The following EXD3 variants were observed in gnomAD, a reference collection of about 807,000 sequenced individuals.
EXD3 encodes exonuclease mut-7 homolog.
Under a neutral mutation model 98.0 loss-of-function variants are expected in EXD3, and 92 were observed. That is an observed-to-expected ratio of 0.94 (90% CI 0.79 to 1.12). The LOEUF is 1.12. EXD3 is among the 50% of genes most tolerant of loss of function. EXD3 has a pLI of 0.00. For synonymous variants in EXD3, 569 were observed against 526.0 expected (o/e 1.08, Z -1.12); for missense variants, 1,222 against 1,191.6 (o/e 1.03, Z -0.38).
intron 1 of EXD3, among the ~76,000 whole-genome samples, chr9:137,398,541 C>T (rs986338868): frequency 6.7e-6 from 1 of 149,590 alleles, no homozygotes; most frequent in Non-Finnish European, 1.5e-5. Context: ...CACAGGCAAC[C>T]GCGTCCCCAA....
chr9:137,415,894 G>GCCCTAAGGGGAT (rs1490498265), intron 1 of EXD3, among the ~76,000 whole-genome samples: 1 of 152,244 alleles, frequency 6.6e-6, no homozygotes, highest in East Asian at 1.9e-4. Context: ...GGATCACGCT[G>GCCCTAAGGGGAT]CACGGTGCAA....
At chr9:137,390,119 C>CAAAAAAA in intron 2 of EXD3, among the ~76,000 whole-genome samples, 1 of 23,380 alleles carries the variant, frequency 4.3e-5, no homozygotes, top group Non-Finnish European at 7.0e-5. Context: ...GAGACTCTGT[C>CAAAAAAA]AAAAAAAAAA....
At position 137,403,737 on chromosome 9, in the gene EXD3, C is replaced by T. The variant is rs966159357; in HGVS notation, c.-47-8333G>A. Among the ~76,000 whole-genome samples, 2 of 152,200 alleles carry T rather than the reference C, an allele frequency of 1.3e-5. No homozygotes were observed. Among genetic ancestry groups the T allele is most frequent in the African/African-American group, 2.4e-5 (1 of 41,440 alleles). On this transcript the variant is annotated intron_variant, in intron 1 of 21. Transcript: ENST00000340951. The surrounding 1 kb of genome is among the most constrained non-coding windows in gnomAD (Gnocchi z 6.1). ...GCAGACCCAGCCACGCAGAGCCCAC[C>T]GCCAGCTTCCAAGGGCTCCAGAAAG...
chr9:137,340,536 T>C (rs1261126023), intron 17 of EXD3, among the ~76,000 whole-genome samples: 1 of 151,776 alleles, frequency 6.6e-6, no homozygotes, highest in Non-Finnish European at 1.5e-5. Flanking sequence ...TATCTTTTTT[T>C]CTTTTTTTTA....
rs923778597 is a variant in EXD3 at position 137,395,851 on chromosome 9, G to A, written c.-47-447C>T. On this transcript the variant is annotated intron_variant, in intron 1 of 21. Transcript: ENST00000340951. This position sits in a 1 kb window ranked among gnomAD's most constrained non-coding sequence, Gnocchi z 6.5. ...GCAGGACCAGGGACCTCGGAGTGAC[G>A]CCCTCACGGCTGACCCAGTACGCAG... 1.3e-5 allele frequency among the ~76,000 whole-genome samples: 2 copies of A among 152,162 alleles called. No individual in the cohort carries two copies. The highest frequency in any genetic ancestry group is 2.9e-5 in the Non-Finnish European group (2 of 68,022).
At chr9:137,346,238 CAAAAAAAAAAAAAA>C (rs563761495) in intron 17 of EXD3, among the ~76,000 whole-genome samples, 1 of 13,622 alleles carries the variant, frequency 7.3e-5, no homozygotes, top group Non-Finnish European at 1.3e-4. Flanking sequence ...GACTCCGTCT[CAAAAAAAAAAAAAA>C]AAAAAAAAAA....
Position 137,324,089 on chromosome 9 carries a change from C to T in EXD3, c.2052+1G>A, listed in dbSNP as rs1377251797. The T allele has an allele frequency of 6.3e-7, 1 of 1,586,648 alleles. No homozygotes were observed. Among genetic ancestry groups the T allele is most frequent in the Non-Finnish European group, 8.6e-7 (1 of 1,167,234 alleles). On this transcript the variant is annotated splice_donor_variant, in intron 18 of 21. Coordinates refer to ENST00000340951, the MANE Select transcript of EXD3 (RefSeq NM_017820.5). LOFTEE classifies it high-confidence loss of function. The surrounding 1 kb of genome is among the most constrained non-coding windows in gnomAD (Gnocchi z 4.1). Reference sequence around the variant, plus strand: ...ACTGAGCTTATCTTTGGGACACTCACCTTGTGGAATGGCTGCCCCGACGTC... The same window carrying T: ...ACTGAGCTTATCTTTGGGACACTCATCTTGTGGAATGGCTGCCCCGACGTC...
At chr9:137,340,294 T>C (rs1313114886) in intron 17 of EXD3, among the ~76,000 whole-genome samples, 1 of 151,984 alleles carries the variant, frequency 6.6e-6, no homozygotes, top group Non-Finnish European at 1.5e-5. Context: ...CTGGCCAACA[T>C]GATGAAACCT....
At chr9:137,330,369 A>AACTACACG (rs1832974661) in intron 17 of EXD3, among the ~76,000 whole-genome samples, 1 of 144,624 alleles carries the variant, frequency 6.9e-6, no homozygotes, top group African/African-American at 2.6e-5. Context: ...GGAGCTACAC[A>AACTACACG]GGAGCTACAC....
At chr9:137,415,205 T>G (rs1469304624) in intron 1 of EXD3, among the ~76,000 whole-genome samples, 1 of 147,704 alleles carries the variant, frequency 6.8e-6, no homozygotes, top group Non-Finnish European at 1.5e-5. Context: ...GGTTTGTTTT[T>G]TTTTTTTCTG....
Position 137,374,678 on chromosome 9 carries a change from G to C in EXD3, c.121-1079C>G, listed in dbSNP as rs1016243825. 1.0e-5 allele frequency: 10 copies of C among 985,494 alleles called. No homozygotes were observed. The East Asian group carries it at 5.7e-4, about 56-fold the overall frequency. The allele number at this position is 985,494 out of a possible 1,614,324, so 61.0% of individuals were successfully genotyped here. On this transcript the variant is annotated intron_variant, in intron 3 of 21. Transcript: ENST00000340951. ...CATGCCCAAAGGCGCGGGAGGCAAG[G>C]CTGCAAAGTCCAGACCCTCCAAAGG...
chr9:137,373,607 G>A lies in EXD3; in HGVS notation c.121-8C>T. ...CCAGGCTTCCTCCCGGAGCTGTGGA[G>A]ACACAAAACCACACTGGCACTTTGT... On this transcript the variant is annotated splice_polypyrimidine_tract_variant and splice_region_variant and intron_variant, in intron 3 of 21. Coordinates refer to ENST00000340951, the MANE Select transcript of EXD3 (RefSeq NM_017820.5). 6.3e-7 allele frequency: 1 copy of A among 1,594,706 alleles called. No homozygotes were observed. Among genetic ancestry groups the A allele is most frequent in the Non-Finnish European group, 8.5e-7 (1 of 1,170,898 alleles).
At chr9:137,388,997 A>G (rs1484860034) in intron 2 of EXD3, among the ~76,000 whole-genome samples, 1 of 151,880 alleles carries the variant, frequency 6.6e-6, no homozygotes, top group South Asian at 2.1e-4. Context: ...ACCCCATGGC[A>G]CCTCCCGCAG....
rs994771923 is a variant in EXD3 at position 137,352,848 on chromosome 9, C to T, written c.871-62G>A. 17 of 1,521,232 alleles carry T rather than the reference C, an allele frequency of 1.1e-5. No individual in the cohort carries two copies. The African/African-American group carries it at 1.3e-4, about 11-fold the overall frequency. The allele number at this position is 1,521,232 out of a possible 1,614,324, so 94.2% of individuals were successfully genotyped here. A position where few individuals can be genotyped will look rare whatever the true frequency, so the allele number is the denominator to read the frequency against. ...CATTGCTGTGCCACAGGGCCCTGCC[C>T]CGAGGGACCCCCGTAGACCCCGACC... is the stretch of plus-strand genomic sequence containing the variant. On this transcript the variant is annotated intron_variant, in intron 10 of 21. Transcript: ENST00000340951.
chr9:137,337,839 G>A (rs113353351), intron 17 of EXD3, among the ~76,000 whole-genome samples: 2,356 of 151,594 alleles, frequency 0.016, 37 homozygotes, highest in African/African-American at 0.052. Flanking sequence ...CCAGGCTGGA[G>A]TGCAGTGACG....
chr9:137,384,966 C>G (rs1836509374), intron 2 of EXD3, among the ~76,000 whole-genome samples: 1 of 152,090 alleles, frequency 6.6e-6, no homozygotes, highest in African/African-American at 2.4e-5. Context: ...GTGGCGGGTG[C>G]CTGTAGTCCC....
intron 14 of EXD3, among the ~76,000 whole-genome samples, chr9:137,350,288 C>T (rs148423539): frequency 1.4e-3 from 115 of 82,346 alleles, no homozygotes; most frequent in African/African-American, 4.8e-3. Context: ...GTGGGGATTA[C>T]GGGGAGAGAG....
intron 2 of EXD3, among the ~76,000 whole-genome samples, chr9:137,389,163 T>C (rs1268943805): frequency 6.6e-6 from 1 of 152,060 alleles, no homozygotes; most frequent in African/African-American, 2.4e-5. Context: ...TCCACCCACA[T>C]CTGCCTGTGC....
In EXD3 at chr9:137,307,588, T is replaced by C. The variant is rs1398927315; in HGVS notation, c.2317+20A>G. 1.9e-6 allele frequency: 3 copies of C among 1,608,818 alleles called. No individual in the cohort carries two copies. Among genetic ancestry groups the C allele is most frequent in the Non-Finnish European group, 2.5e-6 (3 of 1,179,382 alleles). On this transcript the variant is annotated intron_variant, in intron 21 of 21. Transcript: ENST00000340951. ...CGCAGAGAAGCAGCTGTGTCCTTGG[T>C]GGGCGGTCCCGGGGCTCACCTGGCT... is the stretch of plus-strand genomic sequence containing the variant.
Sources: gnomAD v4.1 joint callset for allele counts (sites outside exome capture counted in the v4.1 genomes callset) on GRCh38, gnomAD v4.1.1 for gene constraint, Gnocchi (gnomAD v3.1) non-coding constraint, MANE v1.5 for transcripts, NCBI Gene and HGNC (gene_info 2026-07-23, HGNC 2026-07-21) for gene names.